PCBP3: variants seen among roughly 807,000 people sequenced by gnomAD.
PCBP3 encodes the protein poly(rC)-binding protein 3.
Under a neutral mutation model 52.7 loss-of-function variants are expected in PCBP3, and 25 were observed. That is an observed-to-expected ratio of 0.47 (90% CI 0.35 to 0.66). PCBP3 has a LOEUF of 0.66. PCBP3 is among the 30% of genes least tolerant of loss of function. The pLI, the probability that PCBP3 is intolerant of heterozygous loss-of-function variation, is 0.01. For synonymous variants in PCBP3, 162 were observed against 183.0 expected, an observed-to-expected ratio of 0.89 and a Z score of 0.93; for missense variants, 391 against 490.3, an observed-to-expected ratio of 0.80 and a Z score of 1.91.
chr21:45,890,387 G>A (rs2095623365), intron 5 of PCBP3, among the ~76,000 whole-genome samples: 1 of 152,212 alleles, frequency 6.6e-6, no homozygotes, highest in Admixed American at 6.5e-5. Context: ...ACCCTGCGCT[G>A]CTGAGGGGAA....
rs986315702 is a variant in PCBP3, at chr21:45,914,165, C to T, written c.675+140C>T. The T allele has an allele frequency of 4.2e-6, 6 of 1,426,990 alleles. No individual in the cohort carries two copies. In the African/African-American group the frequency reaches 7.1e-5, roughly 17 times the overall value. 88.4% of individuals were successfully genotyped at this position (1,426,990 alleles called of 1,614,324 possible). ...ACCCGTGCTGGAGGCAGAGCTCTTC[C>T]ACCTACACCCAGCACCAGGCGGACG... is the stretch of plus-strand genomic sequence containing the variant. On this transcript the variant is annotated intron_variant, in intron 12 of 17. Transcript: ENST00000681687.
chr21:45,849,970 C>A lies in PCBP3; in HGVS notation c.-116C>A. On this transcript the variant is annotated 5_prime_UTR_variant, in exon 5 of 18. Transcript: ENST00000681687. Reference sequence around the variant, plus strand: ...TGTTTTTGTGTTTTAGGTCGGTAGGCTCCACGACAAAAGTCAACCCTTCTG... The same window carrying A: ...TGTTTTTGTGTTTTAGGTCGGTAGGATCCACGACAAAAGTCAACCCTTCTG... 2 of 980,298 alleles carry A rather than the reference C, an allele frequency of 2.0e-6. No individual in the cohort carries two copies. Among genetic ancestry groups the A allele is most frequent in the Non-Finnish European group, 3.2e-6 (2 of 626,194 alleles). 60.7% of individuals were successfully genotyped at this position (980,298 alleles called of 1,614,324 possible). A position where few individuals can be genotyped will look rare whatever the true frequency, so the allele number is the denominator to read the frequency against.
At chr21:45,865,600 C>A (rs933043985) in intron 5 of PCBP3, among the ~76,000 whole-genome samples, 5 of 152,216 alleles carry the variant, frequency 3.3e-5, no homozygotes, top group African/African-American at 1.2e-4. Context: ...GACTGATGTT[C>A]TCCCTCACAT....
At chr21:45,678,762 G>C (rs910149106) in intron 2 of PCBP3, among the ~76,000 whole-genome samples, 1 of 151,694 alleles carries the variant, frequency 6.6e-6, no homozygotes, top group Non-Finnish European at 1.5e-5. Context: ...GACAACAAAG[G>C]GTTTAGAATA....
chr21:45,670,572 T>C (rs2081106817), intron 2 of PCBP3, among the ~76,000 whole-genome samples: 1 of 152,220 alleles, frequency 6.6e-6, no homozygotes, highest in South Asian at 2.1e-4. Flanking sequence ...CTTAATCCAG[T>C]GTAGTCTTAA....
intron 4 of PCBP3, among the ~76,000 whole-genome samples, chr21:45,822,594 C>T (rs371368429): frequency 4.0e-5 from 6 of 150,860 alleles, no homozygotes; most frequent in South Asian, 2.1e-4. Context: ...GAGCAAGGGG[C>T]GGACCCAGCA....
In PCBP3 at chr21:45,830,742, T is replaced by C. The variant is rs1052822024; in HGVS notation, c.-125-19219T>C. Reference sequence around the variant, plus strand: ...AATTAAATGCTCATCCTTACGTAAATCATAGCTTTAATAAATTAATCAATG... The same window carrying C: ...AATTAAATGCTCATCCTTACGTAAACCATAGCTTTAATAAATTAATCAATG... On this transcript the variant is annotated intron_variant, in intron 4 of 17. Coordinates refer to ENST00000681687, the MANE Select transcript of PCBP3 (RefSeq NM_001384156.1). The surrounding 1 kb of genome is among the most constrained non-coding windows in gnomAD (Gnocchi z 4.4). 1 of 152,224 alleles carries C rather than the reference T, an allele frequency of 6.6e-6. No individual in the cohort carries two copies. Among genetic ancestry groups the C allele is most frequent in the Non-Finnish European group, 1.5e-5 (1 of 68,046 alleles). The allele number at this position is 152,224 out of a possible 1,614,324, so 9.4% of individuals were successfully genotyped here.
chr21:45,883,046 C>T (rs1252278210), intron 5 of PCBP3, among the ~76,000 whole-genome samples: 3 of 152,180 alleles, frequency 2.0e-5, no homozygotes, highest in African/African-American at 7.2e-5. Flanking sequence ...CACAGGTTTC[C>T]CTCTCAGCAC....
At chr21:45,717,129 T>A (rs555181256) in intron 2 of PCBP3, among the ~76,000 whole-genome samples, 3 of 152,306 alleles carry the variant, frequency 2.0e-5, no homozygotes, top group African/African-American at 7.2e-5. Flanking sequence ...ATGGATTTTT[T>A]AAAATTTTAT....
chr21:45,770,752 G>A (rs1398602694), intron 4 of PCBP3, among the ~76,000 whole-genome samples: 2 of 152,224 alleles, frequency 1.3e-5, no homozygotes, highest in East Asian at 3.9e-4. Context: ...CCAGCCTTGT[G>A]GGGTGCTGAA....
At chr21:45,758,845 C>G (rs895856866) in intron 4 of PCBP3, among the ~76,000 whole-genome samples, 1 of 152,070 alleles carries the variant, frequency 6.6e-6, no homozygotes, top group Non-Finnish European at 1.5e-5. Flanking sequence ...TCTGGTTTCT[C>G]ACCTTAAGTA....
chr21:45,705,836 G>C (rs1171128697), intron 2 of PCBP3, among the ~76,000 whole-genome samples: 1 of 152,110 alleles, frequency 6.6e-6, no homozygotes, highest in Non-Finnish European at 1.5e-5. Context: ...GACCCCTGCT[G>C]TGAGCCCAGG....
intron 3 of PCBP3, among the ~76,000 whole-genome samples, chr21:45,753,842 C>A (rs1164600741): frequency 6.6e-6 from 1 of 152,138 alleles, no homozygotes; most frequent in Non-Finnish European, 1.5e-5. Context: ...ATGGCATTTT[C>A]ATTCTCAACT....
At chr21:45,770,072 T>C (rs1237308188) in intron 4 of PCBP3, among the ~76,000 whole-genome samples, 2 of 152,196 alleles carry the variant, frequency 1.3e-5, no homozygotes, top group Non-Finnish European at 2.9e-5. Flanking sequence ...GGTTGGCAGG[T>C]GGCGGCCTCG....
chr21:45,889,167 G>A (rs919971005), intron 5 of PCBP3, among the ~76,000 whole-genome samples: 3 of 152,222 alleles, frequency 2.0e-5, no homozygotes, highest in African/African-American at 4.8e-5. Flanking sequence ...CGATGTGTGT[G>A]GGAGTGGGGG....
intron 5 of PCBP3, among the ~76,000 whole-genome samples, chr21:45,894,522 A>G (rs60054726): frequency 0.016 from 2,510 of 152,282 alleles, 82 homozygotes; most frequent in African/African-American, 0.057. Flanking sequence ...GGGCCACGCC[A>G]TGCATTTGAA....
intron 2 of PCBP3, among the ~76,000 whole-genome samples, chr21:45,684,055 CAAAAAAA>C (rs71334088): frequency 2.0e-4 from 16 of 78,444 alleles, no homozygotes; most frequent in South Asian, 4.2e-4. Context: ...CCCATCTCTA[CAAAAAAA>C]AAAAAAAAAA....
chr21:45,899,563 T>C (rs2095967573), intron 6 of PCBP3, 36 bp from the exon 7 acceptor site: 1 of 1,586,612 alleles, frequency 6.3e-7, no homozygotes, highest in Non-Finnish European at 8.7e-7. Context: ...TCCTGCTCTA[T>C]GACATCATCT....
Position 45,900,848 on chromosome 21 carries a change from TTGTTGAGAAGCATTTTAC to T in PCBP3, c.223-144_223-127del, listed in dbSNP as rs1372131166. 6 of 715,390 alleles carry T rather than the reference TTGTTGAGAAGCATTTTAC, an allele frequency of 8.4e-6. No individual in the cohort carries two copies. The East Asian group carries it at 1.5e-4, about 18-fold the overall frequency. The allele number at this position is 715,390 out of a possible 1,614,324, so 44.3% of individuals were successfully genotyped here. A position where few individuals can be genotyped will look rare whatever the true frequency, so the allele number is the denominator to read the frequency against. ...AGTTAAAATTTCATTGTAAAGGAGA[TTGTTGAGAAGCATTTTAC>T]TGTTCATTCATGGTTTCCGTCAGCG... On this transcript the variant is annotated intron_variant, in intron 8 of 17. Transcript: ENST00000681687.
Sources: gnomAD v4.1 joint callset for allele counts (sites outside exome capture counted in the v4.1 genomes callset) on GRCh38, gnomAD v4.1.1 for gene constraint, Gnocchi (gnomAD v3.1) non-coding constraint, MANE v1.5 for transcripts, NCBI Gene and HGNC (gene_info 2026-07-23, HGNC 2026-07-21) for gene names.